EXOC5: variants seen among roughly 807,000 people sequenced by gnomAD.
EXOC5 encodes the protein SEC10-like 1.
EXOC5 carries 17 observed loss-of-function variants against 90.8 expected under a neutral mutation model. The ratio of observed to expected loss-of-function variants is 0.19; its 90% confidence interval spans 0.13 to 0.28. The LOEUF is 0.28. Among genes scored for constraint, EXOC5 ranks in the 10% least tolerant of loss-of-function variants. The probability of loss-of-function intolerance (pLI) is 1.00; values close to 1 mark genes in which losing one functional copy is unlikely to be tolerated. For missense variants in EXOC5, 569 were observed against 830.6 expected, an observed-to-expected ratio of 0.69 and a Z score of 3.87; for synonymous variants, 260 against 270.0, an observed-to-expected ratio of 0.96 and a Z score of 0.36.
chr14:57,267,750 A>C (rs1188355444), intron 1 of EXOC5, among the ~76,000 whole-genome samples: 1 of 152,202 alleles, frequency 6.6e-6, no homozygotes, highest in Non-Finnish European at 1.5e-5. Flanking sequence ...ACTTCACGAA[A>C]TTAAATTTTA....
intron 16 of EXOC5, 32 bp downstream of exon 16, chr14:57,209,921 A>G (rs1882774654): frequency 2.4e-6 from 3 of 1,268,930 alleles, no homozygotes; most frequent in Non-Finnish European, 3.4e-6. Context: ...AAATGTTAAC[A>G]AAGTATTAAC....
In EXOC5 at chr14:57,222,441, T is replaced by A. The variant is rs186934669; in HGVS notation, c.1297-25A>T. 40 of 1,334,924 alleles carry A rather than the reference T, an allele frequency of 3.0e-5. No homozygotes were observed. In the African/African-American group the frequency reaches 5.5e-4, roughly 18 times the overall value. The allele number at this position is 1,334,924 out of a possible 1,614,324, so 82.7% of individuals were successfully genotyped here. A position where few individuals can be genotyped will look rare whatever the true frequency, so the allele number is the denominator to read the frequency against. On this transcript the variant is annotated intron_variant, in intron 12 of 17. Transcript: ENST00000621441. ...GCTTAAAAACAAAAATCAAACAATA[T>A]CACTCCTCAAGTCTACCTTTTGAAA...
chr14:57,227,283 T>TA (rs973966186), intron 12 of EXOC5, among the ~76,000 whole-genome samples: 33 of 151,190 alleles, frequency 2.2e-4, no homozygotes, highest in African/African-American at 3.4e-4. Flanking sequence ...GGCAGCTTCC[T>TA]AAAAAAAAAC....
intron 1 of EXOC5, among the ~76,000 whole-genome samples, chr14:57,259,368 G>A (rs960977581): frequency 3.3e-5 from 5 of 152,228 alleles, no homozygotes; most frequent in South Asian, 2.1e-4. Context: ...GGAAATGCTC[G>A]GATTACAGGT....
chr14:57,211,564 T>C (rs529886759), intron 15 of EXOC5: 1 of 152,332 alleles, frequency 6.6e-6, no homozygotes, highest in African/African-American at 2.4e-5. Flanking sequence ...GCTCAGCTCA[T>C]TTTGAAAACC....
chr14:57,253,556 A>T (rs1231932569), intron 1 of EXOC5, among the ~76,000 whole-genome samples: 3 of 152,184 alleles, frequency 2.0e-5, no homozygotes, highest in African/African-American at 7.2e-5. Context: ...GCACAAAACA[A>T]TCTTGAAAAA....
rs941476927 is a variant in EXOC5, at chr14:57,207,928, T to G, written c.*681A>C. The G allele has an allele frequency of 6.6e-6, 1 of 152,116 alleles. No homozygotes were observed. The highest frequency in any genetic ancestry group is 2.4e-5 in the African/African-American group (1 of 41,430). 9.4% of individuals were successfully genotyped at this position (152,116 alleles called of 1,614,324 possible). On this transcript the variant is annotated 3_prime_UTR_variant, in exon 18 of 18. Coordinates refer to ENST00000621441, the MANE Select transcript of EXOC5 (RefSeq NM_006544.4). ...TACCAAATAAGAAATAGTAAACTTT[T>G]AAGTTTTACCCAGAAAGCAGAAGTA...
At chr14:57,234,784 C>CGG (rs1555368952) in intron 7 of EXOC5, among the ~76,000 whole-genome samples, 1 of 151,748 alleles carries the variant, frequency 6.6e-6, no homozygotes, top group Non-Finnish European at 1.5e-5. Flanking sequence ...AAGCTGATCT[C>CGG]GAACTCCTGA....
chr14:57,241,347 G>A (rs901109413), intron 4 of EXOC5, among the ~76,000 whole-genome samples: 1 of 152,018 alleles, frequency 6.6e-6, no homozygotes, highest in East Asian at 1.9e-4. Context: ...GTTGTATATG[G>A]GCACAAATAT....
rs1425485683 is a variant in EXOC5 at position 57,201,813 on chromosome 14, A to T, written c.*6796T>A. The T allele has an allele frequency of 6.6e-6, 1 of 151,906 alleles. No individual in the cohort carries two copies. Among genetic ancestry groups the T allele is most frequent in the Non-Finnish European group, 1.5e-5 (1 of 68,066 alleles). 9.4% of individuals were successfully genotyped at this position (151,906 alleles called of 1,614,324 possible). Reference sequence around the variant, plus strand: ...GGTGGGAGAATCGCTTGAACCCAGGAGGTAGAGGTTGCAGTGAGCTGAGAT... The same window carrying T: ...GGTGGGAGAATCGCTTGAACCCAGGTGGTAGAGGTTGCAGTGAGCTGAGAT... On this transcript the variant is annotated 3_prime_UTR_variant, in exon 18 of 18. Coordinates refer to ENST00000621441, the MANE Select transcript of EXOC5 (RefSeq NM_006544.4).
rs549157482 is a variant in EXOC5 at position 57,267,703 on chromosome 14, T to C, written c.27+919A>G. Among the ~76,000 whole-genome samples the C allele has an allele frequency of 2.6e-5, 4 of 152,348 alleles. No homozygotes were observed. The East Asian group carries it at 7.7e-4, about 29-fold the overall frequency. ...TAGCCTAATTAGAGTTTTCCTATTC[T>C]ATTATCTCAAACTTTTATCACAGCT... On this transcript the variant is annotated intron_variant, in intron 1 of 17. Coordinates refer to ENST00000621441, the MANE Select transcript of EXOC5 (RefSeq NM_006544.4).
intron 12 of EXOC5, among the ~76,000 whole-genome samples, chr14:57,228,956 C>T (rs1485731386): frequency 1.3e-5 from 2 of 151,240 alleles, no homozygotes; most frequent in South Asian, 4.2e-4. Context: ...GTATCATTTA[C>T]AAATACTTTA....
chr14:57,245,701 C>G (rs1045123939), intron 3 of EXOC5, among the ~76,000 whole-genome samples: 9 of 152,072 alleles, frequency 5.9e-5, no homozygotes, highest in Admixed American at 2.0e-4. Flanking sequence ...ATCCCTAACA[C>G]TAAAGAACTA....
In EXOC5 at chr14:57,204,918, T is replaced by A. The variant is rs1382962981; in HGVS notation, c.*3691A>T. The A allele has an allele frequency of 6.6e-6, 1 of 151,996 alleles. No homozygotes were observed. The highest frequency in any genetic ancestry group is 1.5e-5 in the Non-Finnish European group (1 of 67,868). The allele number at this position is 151,996 out of a possible 1,614,324, so 9.4% of individuals were successfully genotyped here. On this transcript the variant is annotated 3_prime_UTR_variant, in exon 18 of 18. Transcript: ENST00000621441. ...CGATTAAGCAAAACTAATGAACCTA[T>A]CAAACTAAAGGATCTATTTAACGTT...
intron 15 of EXOC5, among the ~76,000 whole-genome samples, chr14:57,210,378 T>C (rs575681544): frequency 3.9e-5 from 6 of 152,304 alleles, no homozygotes; most frequent in Admixed American, 2.6e-4. Context: ...CAAAACCATA[T>C]ACAAGTTGAG....
Position 57,203,845 on chromosome 14 carries a change from A to G in EXOC5, c.*4764T>C, listed in dbSNP as rs1056234560. 6.6e-6 allele frequency: 1 copy of G among 152,654 alleles called. No individual in the cohort carries two copies. Among genetic ancestry groups the G allele is most frequent in the Non-Finnish European group, 1.5e-5 (1 of 68,040 alleles). The allele number at this position is 152,654 out of a possible 1,614,324, so 9.5% of individuals were successfully genotyped here. On this transcript the variant is annotated 3_prime_UTR_variant, in exon 18 of 18. Transcript: ENST00000621441. ...CATGTTGCACAGTACATATTAATAT[A>G]GAAAAATACATGTTATCAGCAGCAT...
chr14:57,205,303 AT>A lies in EXOC5; in HGVS notation c.*3305del, dbSNP rs200885116. On this transcript the variant is annotated 3_prime_UTR_variant, in exon 18 of 18. Coordinates refer to ENST00000621441, the MANE Select transcript of EXOC5 (RefSeq NM_006544.4). ...AAAGTATAGAATAATTACAGGATAGATCAGAGAGAAATAATACAGAAACTGA... is the reference window on the plus strand; with the variant it reads ...AAAGTATAGAATAATTACAGGATAGACAGAGAGAAATAATACAGAAACTGA... 1,409 of 152,936 alleles carry A rather than the reference AT, an allele frequency of 9.2e-3. 12 individuals are homozygous for A. Among genetic ancestry groups the A allele is most frequent in the Middle Eastern group, 0.017 (5 of 296 alleles). The allele number at this position is 152,936 out of a possible 1,614,324, so 9.5% of individuals were successfully genotyped here.
chr14:57,242,201 C>T (rs2139649371), intron 4 of EXOC5, among the ~76,000 whole-genome samples: 1 of 149,896 alleles, frequency 6.7e-6, no homozygotes, highest in African/African-American at 2.5e-5. Context: ...GAGGTAAACA[C>T]ATAATAGGGT....
rs1882511488 is a variant in EXOC5, at chr14:57,201,571, TATATATATATA to T, written c.*7027_*7037del. ...TATATTTTTATATATATTAATATTATATATATATATATATATATATATATAAAGGATGGCTG... is the reference window on the plus strand; with the variant it reads ...TATATTTTTATATATATTAATATTATTATATATATATATAAAGGATGGCTG... On this transcript the variant is annotated 3_prime_UTR_variant, in exon 18 of 18. Coordinates refer to ENST00000621441, the MANE Select transcript of EXOC5 (RefSeq NM_006544.4). 6.0e-5 allele frequency: 6 copies of T among 99,836 alleles called. No individual in the cohort carries two copies. The highest frequency in any genetic ancestry group is 1.2e-4 in the Admixed American group (1 of 8,574). 6.2% of individuals were successfully genotyped at this position (99,836 alleles called of 1,614,324 possible).
Sources: gnomAD v4.1 joint callset for allele counts (sites outside exome capture counted in the v4.1 genomes callset) on GRCh38, gnomAD v4.1.1 for gene constraint, MANE v1.5 for transcripts, NCBI Gene and HGNC (gene_info 2026-07-23, HGNC 2026-07-21) for gene names.